The following XKR4 variants were observed in gnomAD, a reference collection of about 807,000 sequenced individuals.
The protein encoded by XKR4 is XK related 4, also known as XK-related protein 4.
A neutral mutation model predicts 53.9 loss-of-function variants in XKR4; 12 were observed. The ratio of observed to expected loss-of-function variants is 0.22; its 90% confidence interval spans 0.14 to 0.36. XKR4 has a LOEUF of 0.36. Ranked by LOEUF, XKR4 falls within the 10% of genes least tolerant of loss-of-function variation. The pLI, the probability that XKR4 is intolerant of heterozygous loss-of-function variation, is 1.00. For synonymous variants in XKR4, 354 were observed against 362.4 expected (o/e 0.98, Z 0.26); for missense variants, 799 against 859.5 (o/e 0.93, Z 0.88).
intron 2 of XKR4, among the ~76,000 whole-genome samples, chr8:55,442,573 C>G (rs551524637): frequency 6.6e-6 from 1 of 152,200 alleles, no homozygotes; most frequent in African/African-American, 2.4e-5. Flanking sequence ...TAGAAAAAAC[C>G]AAGCATCTGT....
intron 1 of XKR4, among the ~76,000 whole-genome samples, chr8:55,288,871 T>G (rs1451056057): frequency 6.6e-6 from 1 of 152,212 alleles, no homozygotes; most frequent in African/African-American, 2.4e-5. Context: ...ATCTGTTCTC[T>G]TTGCAAGAAT....
At chr8:55,176,476 C>A (rs73598832) in intron 1 of XKR4, among the ~76,000 whole-genome samples, 3,139 of 152,064 alleles carry the variant, frequency 0.021, 118 homozygotes, top group African/African-American at 0.069. Context: ...TGTGTGTGTG[C>A]ATATGTAGGA....
intron 1 of XKR4, among the ~76,000 whole-genome samples, chr8:55,283,514 G>A (rs1043266739): frequency 6.6e-6 from 1 of 152,184 alleles, no homozygotes; most frequent in African/African-American, 2.4e-5. Context: ...CTGTAAAGTA[G>A]TAGCCAAATG....
intron 2 of XKR4, among the ~76,000 whole-genome samples, chr8:55,438,571 C>T (rs1036724521): frequency 7.8e-5 from 9 of 115,674 alleles, no homozygotes; most frequent in Non-Finnish European, 1.1e-4. Context: ...GCCTAGGTGA[C>T]AGAGCAAGAC....
At chr8:55,378,278 T>C (rs1804178723) in intron 2 of XKR4, among the ~76,000 whole-genome samples, 1 of 152,238 alleles carries the variant, frequency 6.6e-6, no homozygotes, top group East Asian at 1.9e-4. Context: ...AAGTTCTTAA[T>C]GGTCAGAGTC....
intron 1 of XKR4, chr8:55,161,622 T>G (rs901508549): frequency 1.1e-5 from 5 of 456,160 alleles, no homozygotes; most frequent in African/African-American, 1.0e-4. Context: ...AGTACCAACT[T>G]CTAATGTTGC....
intron 2 of XKR4, chr8:55,454,107 T>A (rs889037837): frequency 6.5e-5 from 54 of 829,678 alleles, no homozygotes; most frequent in Admixed American, 4.5e-4. Context: ...GGGGACGTCA[T>A]GGGTGGAGGG....
intron 1 of XKR4, among the ~76,000 whole-genome samples, chr8:55,175,026 G>A (rs1439291304): frequency 6.6e-6 from 1 of 152,184 alleles, no homozygotes; most frequent in Non-Finnish European, 1.5e-5. Context: ...GTAGATTTCA[G>A]AATTTTACAC....
chr8:55,253,731 CTTTTTTTTTTTT>C (rs67608017), intron 1 of XKR4, among the ~76,000 whole-genome samples: 1 of 113,708 alleles, frequency 8.8e-6, no homozygotes, highest in East Asian at 2.9e-4. Flanking sequence ...ATTTTCTTTT[CTTTTTTTTTTTT>C]TTTTTTTTGA....
chr8:55,431,139 G>A (rs561234055), intron 2 of XKR4, among the ~76,000 whole-genome samples: 1 of 152,364 alleles, frequency 6.6e-6, no homozygotes, highest in East Asian at 1.9e-4. Context: ...TAAGTCAAAT[G>A]TAGTGGAAGT....
chr8:55,523,215 T>G, intron 2 of XKR4, 66 bp from the exon 3 acceptor site: 1 of 1,403,670 alleles, frequency 7.1e-7, no homozygotes, highest in Non-Finnish European at 9.6e-7. Context: ...CCCAGCTCTG[T>G]GTGACTTCCA....
At chr8:55,116,555 G>A (rs1304986261) in intron 1 of XKR4, among the ~76,000 whole-genome samples, 1 of 152,152 alleles carries the variant, frequency 6.6e-6, no homozygotes, top group East Asian at 1.9e-4. Flanking sequence ...CTATAGTTTA[G>A]AATAAAGGGA....
At chr8:55,317,423 T>C (rs911149853) in intron 1 of XKR4, among the ~76,000 whole-genome samples, 4 of 152,184 alleles carry the variant, frequency 2.6e-5, no homozygotes, top group Non-Finnish European at 5.9e-5. Flanking sequence ...TCTATGTTTT[T>C]TGGGGTAAAG....
At chr8:55,382,215 T>C (rs1291556992) in intron 2 of XKR4, among the ~76,000 whole-genome samples, 1 of 152,236 alleles carries the variant, frequency 6.6e-6, no homozygotes, top group Admixed American at 6.5e-5. Context: ...AAACTATGAC[T>C]TGTATTCAAG....
At chr8:55,482,294 G>A (rs942472884) in intron 2 of XKR4, among the ~76,000 whole-genome samples, 5 of 152,030 alleles carry the variant, frequency 3.3e-5, no homozygotes, top group African/African-American at 1.2e-4. Flanking sequence ...ACTATTGCAA[G>A]GACAAAAAAC....
intron 2 of XKR4, among the ~76,000 whole-genome samples, chr8:55,412,004 A>G (rs1055908537): frequency 1.3e-5 from 2 of 152,234 alleles, no homozygotes; most frequent in Non-Finnish European, 2.9e-5. Context: ...AGGAAACATT[A>G]TGCCACTTTT....
At chr8:55,161,723 C>A in intron 1 of XKR4, 3 of 424,696 alleles carry the variant, frequency 7.1e-6, no homozygotes, top group South Asian at 3.4e-5. Flanking sequence ...CAGGCAGGTG[C>A]CACCCATGGC....
intron 2 of XKR4, among the ~76,000 whole-genome samples, chr8:55,449,340 C>T (rs1052233295): frequency 2.0e-5 from 3 of 152,162 alleles, no homozygotes; most frequent in Non-Finnish European, 4.4e-5. Flanking sequence ...TTAGGGCTGG[C>T]CGGGCGGTGC....
chr8:55,519,896 A>G (rs1806775812), intron 2 of XKR4, among the ~76,000 whole-genome samples: 1 of 152,278 alleles, frequency 6.6e-6, no homozygotes, highest in Non-Finnish European at 1.5e-5. Context: ...AAGTCAGTTG[A>G]CAATTAGGGC....
Sources: allele counts gnomAD v4.1 joint callset (sites outside exome capture counted in the v4.1 genomes callset), GRCh38; gene constraint gnomAD v4.1.1; transcripts MANE v1.5; gene names NCBI Gene and HGNC (gene_info 2026-07-23, HGNC 2026-07-21).